UBOX5: variants seen among roughly 807,000 people sequenced by gnomAD.
The protein encoded by UBOX5 is U-box domain containing 5.
UBOX5 carries 28 observed loss-of-function variants against 39.0 expected under a neutral mutation model. The observed-to-expected ratio is 0.72, with a 90% CI of 0.53 to 0.98. The LOEUF (loss-of-function observed/expected upper bound fraction) is 0.98. UBOX5 is among the 50% of genes least tolerant of loss of function. UBOX5 has a pLI of 0.00. For missense variants in UBOX5, 585 were observed against 674.4 expected (o/e 0.87, Z 1.47); for synonymous variants, 283 against 275.5 (o/e 1.03, Z -0.27).
chr20:3,140,710 A>AT (rs560555990), intron 1 of UBOX5, among the ~76,000 whole-genome samples: 72 of 148,344 alleles, frequency 4.9e-4, no homozygotes, highest in African/African-American at 1.3e-3. Flanking sequence ...GGGTTACCAG[A>AT]TTTTTTTTTT....
intron 1 of UBOX5, among the ~76,000 whole-genome samples, chr20:3,155,148 C>T (rs1207582304): frequency 1.3e-5 from 2 of 151,838 alleles, no homozygotes; most frequent in African/African-American, 4.8e-5. Context: ...AATCCCAGCA[C>T]TTTGGGAAGC....
In UBOX5 at chr20:3,154,027, C is replaced by T. The variant is rs575219300; in HGVS notation, c.-42+5739G>A. Reference sequence around the variant, plus strand: ...AAGAGAAGACCTCAAAGGCTGAAATCTACATGAGGCAAAGAGTTCGCAGGA... The same window carrying T: ...AAGAGAAGACCTCAAAGGCTGAAATTTACATGAGGCAAAGAGTTCGCAGGA... On this transcript the variant is annotated intron_variant, in intron 1 of 4. Coordinates refer to ENST00000217173, the MANE Select transcript of UBOX5 (RefSeq NM_014948.4). Among the ~76,000 whole-genome samples the T allele has an allele frequency of 2.0e-5, 3 of 152,262 alleles. No individual in the cohort carries two copies. In the South Asian group the frequency reaches 6.2e-4, roughly 32 times the overall value.
chr20:3,147,519 C>G (rs754360558), intron 1 of UBOX5: 1 of 1,614,194 alleles, frequency 6.2e-7, no homozygotes, highest in Non-Finnish European at 8.5e-7. Context: ...ACTGTACCAT[C>G]GAGGGTATAT....
In UBOX5 at chr20:3,156,129, G is replaced by A. The variant is rs551694076; in HGVS notation, c.-42+3637C>T. ...CTCTCAGAAAATCCATAGGAAAGCT[G>A]GAAAGAGAACACTATGAGATGCTCA... On this transcript the variant is annotated intron_variant, in intron 1 of 4. Coordinates refer to ENST00000217173, the MANE Select transcript of UBOX5 (RefSeq NM_014948.4). Among the ~76,000 whole-genome samples the A allele has an allele frequency of 1.6e-4, 25 of 151,710 alleles. No homozygotes were observed. In the East Asian group the frequency reaches 4.5e-3, roughly 27 times the overall value.
chr20:3,140,014 C>CTTTTTTTTTTTT (rs138435815), intron 1 of UBOX5, among the ~76,000 whole-genome samples: 3 of 78,340 alleles, frequency 3.8e-5, no homozygotes, highest in Non-Finnish European at 7.4e-5. Context: ...GGCCTTTTTA[C>CTTTTTTTTTTTT]TTTTTTTTTT....
chr20:3,158,396 A>C (rs561581750), intron 1 of UBOX5, among the ~76,000 whole-genome samples: 2 of 152,368 alleles, frequency 1.3e-5, no homozygotes, highest in East Asian at 3.9e-4. Flanking sequence ...TTAGACCTGC[A>C]TAACTGCCAA....
At chr20:3,135,754 T>C (rs2066466020) in intron 1 of UBOX5, among the ~76,000 whole-genome samples, 1 of 149,126 alleles carries the variant, frequency 6.7e-6, no homozygotes, top group Admixed American at 6.8e-5. Flanking sequence ...GGGGTTTTGA[T>C]GTAAAAGTTA....
chr20:3,124,210 G>A lies in UBOX5; in HGVS notation c.-41-804C>T, dbSNP rs557848112. 1.6e-4 allele frequency among the ~76,000 whole-genome samples: 25 copies of A among 152,186 alleles called. No individual in the cohort carries two copies. In the South Asian group the frequency reaches 5.0e-3, roughly 30 times the overall value. On this transcript the variant is annotated intron_variant, in intron 1 of 4. Coordinates refer to ENST00000217173, the MANE Select transcript of UBOX5 (RefSeq NM_014948.4). Reference sequence around the variant, plus strand: ...TGAGACCCTGTCTCAAAGGAAAAAAGAAAAGCCTCTCCCCTCTCCCCTCTC... The same window carrying A: ...TGAGACCCTGTCTCAAAGGAAAAAAAAAAAGCCTCTCCCCTCTCCCCTCTC...
chr20:3,109,953 G>C lies in UBOX5; in HGVS notation c.*153C>G. On this transcript the variant is annotated 3_prime_UTR_variant, in exon 5 of 5. Transcript: ENST00000217173. ...CTATTGCCACCAGCGCAGAAGCAAT[G>C]TGCTATACCGTGAGGTGATGAAGAA... 1.2e-6 allele frequency: 1 copy of C among 839,624 alleles called. No homozygotes were observed. The highest frequency in any genetic ancestry group is 1.9e-6 in the Non-Finnish European group (1 of 535,922). The allele number at this position is 839,624 out of a possible 1,614,324, so 52.0% of individuals were successfully genotyped here. A position where few individuals can be genotyped will look rare whatever the true frequency, so the allele number is the denominator to read the frequency against.
chr20:3,139,350 A>C (rs1450770105), intron 1 of UBOX5, among the ~76,000 whole-genome samples: 2 of 152,148 alleles, frequency 1.3e-5, no homozygotes, highest in Non-Finnish European at 1.5e-5. Context: ...TGCTAGGCAC[A>C]AGTAGACTCA....
Position 3,121,997 on chromosome 20 carries a change from T to C in UBOX5, c.642A>G (p.Ser214=). The C allele has an allele frequency of 6.2e-7, 1 of 1,614,196 alleles. No homozygotes were observed. Among genetic ancestry groups the C allele is most frequent in the Non-Finnish European group, 8.5e-7 (1 of 1,180,046 alleles). The change falls in exon 3 of 5, where the codon TCA becomes TCG. Residue 214 remains serine (S), a synonymous_variant. Coordinates refer to ENST00000217173, the MANE Select transcript of UBOX5 (RefSeq NM_014948.4). Reference sequence around the variant, plus strand: ...GAGCCACATCCTGAGGCAGGTTCTCTGAGGTGACCAGCAGGATGCTGTCTA... The same window carrying C: ...GAGCCACATCCTGAGGCAGGTTCTCCGAGGTGACCAGCAGGATGCTGTCTA... ...EVIDSILLVT[S]ENLPQDVALQ...
intron 1 of UBOX5, among the ~76,000 whole-genome samples, chr20:3,137,686 A>T (rs938671740): frequency 6.6e-6 from 1 of 152,224 alleles, no homozygotes; most frequent in African/African-American, 2.4e-5. Context: ...TGCCTATCTA[A>T]TTAGTTCAGT....
chr20:3,123,852 A>T (rs1284770299), intron 1 of UBOX5, among the ~76,000 whole-genome samples: 1 of 152,208 alleles, frequency 6.6e-6, no homozygotes, highest in Non-Finnish European at 1.5e-5. Context: ...TTCTTATTAA[A>T]ATGAAAACAA....
In UBOX5 at chr20:3,113,900, G is replaced by A. The variant is rs565101777; in HGVS notation, c.1417+1405C>T. 1.1e-4 allele frequency among the ~76,000 whole-genome samples: 16 copies of A among 152,278 alleles called. No homozygotes were observed. The East Asian group carries it at 1.2e-3, about 11-fold the overall frequency. ...TGTATTCCCAGCACTTTGGGAGGCC[G>A]AGGCAGATGGATCACCTGAGGTCAG... On this transcript the variant is annotated intron_variant, in intron 4 of 4. Transcript: ENST00000217173.
At chr20:3,113,932 A>G (rs1252855626) in intron 4 of UBOX5, among the ~76,000 whole-genome samples, 1 of 152,112 alleles carries the variant, frequency 6.6e-6, no homozygotes, top group Non-Finnish European at 1.5e-5. Context: ...TCAGGAGTTC[A>G]AAACCAGCCT....
chr20:3,113,704 G>A (rs1024064563), intron 4 of UBOX5, among the ~76,000 whole-genome samples: 3 of 152,204 alleles, frequency 2.0e-5, no homozygotes, highest in Admixed American at 6.5e-5. Flanking sequence ...AGGAACTCGA[G>A]AATGACTTCT....
intron 1 of UBOX5, among the ~76,000 whole-genome samples, chr20:3,135,832 T>G (rs2066466929): frequency 6.6e-6 from 1 of 151,948 alleles, no homozygotes; most frequent in Non-Finnish European, 1.5e-5. Context: ...AAGTCATCGG[T>G]GAATCATTAT....
At chr20:3,115,550 A>C in intron 3 of UBOX5, 84 bp from the exon 4 acceptor site, 3 of 1,424,976 alleles carry the variant, frequency 2.1e-6, no homozygotes, top group Admixed American at 2.4e-5. Flanking sequence ...GGCTGTAAAA[A>C]CGGCACCTCC....
chr20:3,136,219 A>G (rs1431541528), intron 1 of UBOX5: 1 of 140,938 alleles, frequency 7.1e-6, no homozygotes, highest in Non-Finnish European at 1.5e-5. Context: ...TTCTTCCTTT[A>G]GTTTTTCTCT....
Sources: allele counts gnomAD v4.1 joint callset (sites outside exome capture counted in the v4.1 genomes callset), GRCh38; gene constraint gnomAD v4.1.1; transcripts MANE v1.5; gene names NCBI Gene and HGNC (gene_info 2026-07-23, HGNC 2026-07-21).